Variants in PKNOX1 observed in about 807,000 individuals in gnomAD.
The protein encoded by PKNOX1 is PBX/knotted 1 homeobox 1, also known as homeobox protein PKNOX1.
PKNOX1 carries 15 observed loss-of-function variants against 51.9 expected under a neutral mutation model. That is an observed-to-expected ratio of 0.29 (90% CI 0.19 to 0.45). The LOEUF is 0.45. Among genes scored for constraint, PKNOX1 ranks in the 20% least tolerant of loss-of-function variants. The pLI is 1.00. For missense variants in PKNOX1, 462 were observed against 547.5 expected (o/e 0.84, Z 1.56); for synonymous variants, 219 against 211.1 (o/e 1.04, Z -0.32).
chr21:42,978,249 C>T (rs1054260509), intron 1 of PKNOX1, among the ~76,000 whole-genome samples: 1 of 152,124 alleles, frequency 6.6e-6, no homozygotes, highest in Non-Finnish European at 1.5e-5. Context: ...AAGTGATCCG[C>T]CCGCCTTGGC....
chr21:43,028,666 G>C (rs901847270), intron 9 of PKNOX1, 36 bp from the exon 10 acceptor site: 4 of 1,601,508 alleles, frequency 2.5e-6, no homozygotes, highest in African/African-American at 1.3e-5. Context: ...CTTTACGAAG[G>C]CTGTTTTCAT....
chr21:43,016,397 C>T (rs1026594872), intron 5 of PKNOX1, among the ~76,000 whole-genome samples: 19 of 152,184 alleles, frequency 1.2e-4, no homozygotes, highest in African/African-American at 2.9e-4. Flanking sequence ...TAGTCCGTGC[C>T]GGGGTCAAGA....
chr21:43,014,036 T>TG (rs1979369696), intron 5 of PKNOX1, among the ~76,000 whole-genome samples: 1 of 147,898 alleles, frequency 6.8e-6, no homozygotes, highest in African/African-American at 2.5e-5. Context: ...TTTTTTTTTT[T>TG]TTTGAGACAG....
intron 1 of PKNOX1, among the ~76,000 whole-genome samples, chr21:43,000,311 T>G (rs1978693629): frequency 6.6e-6 from 1 of 152,180 alleles, no homozygotes; most frequent in East Asian, 1.9e-4. Flanking sequence ...TACCCAAGAC[T>G]GGGCAGTTTT....
chr21:43,008,980 CATT>C (rs1042989673), intron 3 of PKNOX1, among the ~76,000 whole-genome samples: 66 of 152,272 alleles, frequency 4.3e-4, no homozygotes, highest in African/African-American at 1.5e-3. Flanking sequence ...TGAACAGACA[CATT>C]ATGGCATCTC....
chr21:43,002,482 C>T (rs1288943228), intron 1 of PKNOX1, among the ~76,000 whole-genome samples: 1 of 151,272 alleles, frequency 6.6e-6, no homozygotes, highest in African/African-American at 2.4e-5. Flanking sequence ...TTGACTGCAC[C>T]CCCTTAGTGG....
intron 1 of PKNOX1, among the ~76,000 whole-genome samples, chr21:42,978,705 A>G (rs1045865908): frequency 5.3e-5 from 8 of 151,746 alleles, no homozygotes; most frequent in Non-Finnish European, 1.2e-4. Context: ...GCTGGTCTTG[A>G]ACTCCTGACC....
chr21:42,983,344 C>T (rs2059036458), intron 1 of PKNOX1, among the ~76,000 whole-genome samples: 1 of 152,112 alleles, frequency 6.6e-6, no homozygotes, highest in Non-Finnish European at 1.5e-5. Flanking sequence ...CTTCCTGTCT[C>T]TGAATTTCGC....
At chr21:42,999,462 T>C (rs756275796) in intron 1 of PKNOX1, among the ~76,000 whole-genome samples, 1 of 151,470 alleles carries the variant, frequency 6.6e-6, no homozygotes, top group Non-Finnish European at 1.5e-5. Flanking sequence ...GAATTTCTCC[T>C]CAGGAAATGG....
chr21:42,985,264 G>A (rs2059046420), intron 1 of PKNOX1, among the ~76,000 whole-genome samples: 1 of 152,074 alleles, frequency 6.6e-6, no homozygotes, highest in Non-Finnish European at 1.5e-5. Flanking sequence ...TGGGATTACA[G>A]GCGTGAGCCA....
At position 43,028,698 on chromosome 21, in the gene PKNOX1, C is replaced by G; in HGVS notation, c.927-4C>G. On this transcript the variant is annotated splice_polypyrimidine_tract_variant and splice_region_variant and intron_variant, in intron 9 of 10. Coordinates refer to ENST00000291547, the MANE Select transcript of PKNOX1 (RefSeq NM_004571.5). ...TCATGGAAGCTTCTCTTTGTTGACT[C>G]CAGGTTCATCAATGCCAGAAGACGA... The G allele has an allele frequency of 6.2e-7, 1 of 1,613,622 alleles. No homozygotes were observed. The highest frequency in any genetic ancestry group is 8.5e-7 in the Non-Finnish European group (1 of 1,179,820).
chr21:43,016,268 C>G (rs374850489), intron 5 of PKNOX1, among the ~76,000 whole-genome samples: 1 of 152,220 alleles, frequency 6.6e-6, no homozygotes, highest in African/African-American at 2.4e-5. Flanking sequence ...GGATCTAACC[C>G]CAGATGCATA....
chr21:43,009,761 T>TA (rs1365467119), intron 3 of PKNOX1, among the ~76,000 whole-genome samples: 15 of 152,006 alleles, frequency 9.9e-5, no homozygotes, highest in African/African-American at 3.4e-4. Flanking sequence ...GAGGCAAATA[T>TA]ATAGAGATAG....
At chr21:43,023,404 G>A (rs1267975194) in intron 8 of PKNOX1, among the ~76,000 whole-genome samples, 4 of 152,004 alleles carry the variant, frequency 2.6e-5, no homozygotes, top group South Asian at 4.1e-4. Flanking sequence ...TTCCTTTCAC[G>A]TCAAAGCCAA....
At chr21:42,989,244 G>T (rs1263772903) in intron 1 of PKNOX1, among the ~76,000 whole-genome samples, 1 of 151,806 alleles carries the variant, frequency 6.6e-6, no homozygotes, top group Non-Finnish European at 1.5e-5. Flanking sequence ...CTTCCAAAGT[G>T]CTGGGCTTAC....
rs1358587281 is a variant in PKNOX1, at chr21:42,974,566, C to T, written c.-155C>T. On this transcript the variant is annotated 5_prime_UTR_variant, in exon 1 of 11. Transcript: ENST00000291547. ...CTCCTCCCATTGAGCGAGGCTGTGT[C>T]GCGTGGCCCAGCGTCGGCGTGACGG... The T allele has an allele frequency of 6.6e-6, 1 of 152,000 alleles. No homozygotes were observed. The highest frequency in any genetic ancestry group is 1.9e-4 in the East Asian group (1 of 5,130). The allele number at this position is 152,000 out of a possible 1,614,324, so 9.4% of individuals were successfully genotyped here.
At chr21:42,999,944 A>G (rs1019736286) in intron 1 of PKNOX1, among the ~76,000 whole-genome samples, 3 of 152,166 alleles carry the variant, frequency 2.0e-5, no homozygotes, top group Non-Finnish European at 2.9e-5. Flanking sequence ...TCTCAAGTTC[A>G]GAGTTCCACA....
intron 1 of PKNOX1, among the ~76,000 whole-genome samples, chr21:42,986,280 A>G (rs1601271169): frequency 2.6e-5 from 4 of 152,100 alleles, no homozygotes; most frequent in Admixed American, 2.6e-4. Flanking sequence ...AGGCGGGTGG[A>G]TCATGAGGTC....
At chr21:43,003,339 C>G (rs1007988333) in intron 1 of PKNOX1, among the ~76,000 whole-genome samples, 4 of 152,198 alleles carry the variant, frequency 2.6e-5, no homozygotes, top group African/African-American at 9.7e-5. Context: ...CGTTCCTGCT[C>G]CATCCTTCAG....
Sources: gnomAD v4.1 joint callset for allele counts (sites outside exome capture counted in the v4.1 genomes callset) on GRCh38, gnomAD v4.1.1 for gene constraint, MANE v1.5 for transcripts, NCBI Gene and HGNC (gene_info 2026-07-23, HGNC 2026-07-21) for gene names.